SHTN1: variants seen among roughly 807,000 people sequenced by gnomAD.
SHTN1 encodes shootin 1.
SHTN1 carries 42 observed loss-of-function variants against 83.1 expected under a neutral mutation model. That is an observed-to-expected ratio of 0.51 (90% CI 0.39 to 0.65). SHTN1 has a LOEUF of 0.65. Ranked by LOEUF, SHTN1 falls within the 30% of genes least tolerant of loss-of-function variation. SHTN1 has a pLI of 0.00. For missense variants in SHTN1, 622 were observed against 737.8 expected (o/e 0.84, Z 1.82); for synonymous variants, 224 against 247.7 (o/e 0.90, Z 0.90).
At chr10:116,905,885 A>G (rs1847949632) in intron 15 of SHTN1, among the ~76,000 whole-genome samples, 1 of 152,192 alleles carries the variant, frequency 6.6e-6, no homozygotes, top group Non-Finnish European at 1.5e-5. Flanking sequence ...GAAGACACGC[A>G]CAGTTATGGG....
At chr10:116,895,699 G>C (rs972927743) in intron 16 of SHTN1, among the ~76,000 whole-genome samples, 2 of 152,130 alleles carry the variant, frequency 1.3e-5, no homozygotes, top group Non-Finnish European at 2.9e-5. Context: ...CCTTCCTTAA[G>C]CTCTTAAGAC....
At position 116,968,647 on chromosome 10, in the gene SHTN1, C is replaced by T. The variant is rs769000955; in HGVS notation, c.172+5G>A. 3 of 1,601,950 alleles carry T rather than the reference C, an allele frequency of 1.9e-6. No individual in the cohort carries two copies. The highest frequency in any genetic ancestry group is 2.6e-6 in the Non-Finnish European group (3 of 1,169,892). On this transcript the variant is annotated splice_donor_5th_base_variant and intron_variant, in intron 3 of 16. Transcript: ENST00000355371. ...TATAATAATTCCACTGAAATGCTTACGTACTTTTCTGAAATTCTTCCAGTT... is the reference window on the plus strand; with the variant it reads ...TATAATAATTCCACTGAAATGCTTATGTACTTTTCTGAAATTCTTCCAGTT...
At chr10:116,927,077 A>G in intron 11 of SHTN1, among the ~76,000 whole-genome samples, 1 of 152,372 alleles carries the variant, frequency 6.6e-6, no homozygotes, top group South Asian at 2.1e-4. Context: ...GGTTAGGGAT[A>G]AAAGTAATTA....
intron 1 of SHTN1, among the ~76,000 whole-genome samples, chr10:117,060,780 T>A (rs1234598709): frequency 2.0e-5 from 3 of 152,234 alleles, no homozygotes; most frequent in Admixed American, 2.0e-4. Context: ...AGCCTAATAG[T>A]TCATTCAGGA....
chr10:116,998,075 G>A (rs535263635), intron 1 of SHTN1, among the ~76,000 whole-genome samples: 3 of 152,202 alleles, frequency 2.0e-5, no homozygotes, highest in South Asian at 4.1e-4. Context: ...CTGGGGGACA[G>A]AGCGAGACTC....
intron 1 of SHTN1, among the ~76,000 whole-genome samples, chr10:117,075,668 G>A (rs185561793): frequency 3.0e-4 from 46 of 152,318 alleles, no homozygotes; most frequent in African/African-American, 1.0e-3. Context: ...GAAGATACCA[G>A]AGATATTATA....
intron 2 of SHTN1, among the ~76,000 whole-genome samples, chr10:117,025,666 G>T (rs1564934259): frequency 6.6e-6 from 1 of 152,068 alleles, no homozygotes; most frequent in Non-Finnish European, 1.5e-5. Context: ...ACCGCTTGAG[G>T]AGAGGAGAGG....
At chr10:116,934,577 A>G (rs911141693) in intron 9 of SHTN1, among the ~76,000 whole-genome samples, 4 of 152,104 alleles carry the variant, frequency 2.6e-5, no homozygotes, top group African/African-American at 7.2e-5. Context: ...GTAGCCTCGT[A>G]GCATAGTTTG....
intron 1 of SHTN1, among the ~76,000 whole-genome samples, chr10:117,075,202 T>C (rs1479401367): frequency 6.6e-6 from 1 of 152,180 alleles, no homozygotes; most frequent in Admixed American, 6.5e-5. Context: ...TTTATTGTAG[T>C]TACTCTGCAT....
chr10:116,930,005 A>C lies in SHTN1; in HGVS notation c.859-3T>G. ...AGTTGCTCTTCTAATTCTTTGACCTATAAGTTATTTAAAAAAAAAAGACTT... is the reference window on the plus strand; with the variant it reads ...AGTTGCTCTTCTAATTCTTTGACCTCTAAGTTATTTAAAAAAAAAAGACTT... On this transcript the variant is annotated splice_region_variant and splice_polypyrimidine_tract_variant and intron_variant, in intron 9 of 16. Coordinates refer to ENST00000355371, the MANE Select transcript of SHTN1 (RefSeq NM_001127211.3). The C allele has an allele frequency of 6.6e-7, 1 of 1,526,486 alleles. No individual in the cohort carries two copies. The highest frequency in any genetic ancestry group is 8.8e-7 in the Non-Finnish European group (1 of 1,140,548). 94.6% of individuals were successfully genotyped at this position (1,526,486 alleles called of 1,614,324 possible). A position where few individuals can be genotyped will look rare whatever the true frequency, so the allele number is the denominator to read the frequency against.
intron 1 of SHTN1, among the ~76,000 whole-genome samples, chr10:117,059,263 G>A (rs1852867857): frequency 6.6e-6 from 1 of 152,176 alleles, no homozygotes; most frequent in South Asian, 2.1e-4. Context: ...TGGTGAGAAT[G>A]TAAAATATAG....
intron 1 of SHTN1, among the ~76,000 whole-genome samples, chr10:116,985,135 G>A (rs975949062): frequency 6.6e-6 from 1 of 152,138 alleles, no homozygotes; most frequent in Non-Finnish European, 1.5e-5. Context: ...TAAATTATCT[G>A]TGCACAGGTC....
chr10:116,957,950 C>A (rs1489307860), intron 4 of SHTN1, among the ~76,000 whole-genome samples: 9 of 152,252 alleles, frequency 5.9e-5, no homozygotes, highest in Admixed American at 5.9e-4. Flanking sequence ...ATCCCAGCTA[C>A]TCGGGAGACT....
intron 9 of SHTN1, among the ~76,000 whole-genome samples, chr10:116,938,760 C>A (rs1436514307): frequency 6.6e-6 from 1 of 152,132 alleles, no homozygotes; most frequent in Non-Finnish European, 1.5e-5. Flanking sequence ...TGAAGCTGTG[C>A]CCACAGCCGC....
chr10:117,045,300 C>A (rs114242662), intron 2 of SHTN1, among the ~76,000 whole-genome samples: 66 of 152,186 alleles, frequency 4.3e-4, no homozygotes, highest in African/African-American at 1.5e-3. Context: ...ATCTGATGGG[C>A]ATTTATATTT....
rs1848763661 is a variant in SHTN1, at chr10:116,926,923, T to C, written c.1112+869A>G. On this transcript the variant is annotated intron_variant, in intron 11 of 16. Coordinates refer to ENST00000355371, the MANE Select transcript of SHTN1 (RefSeq NM_001127211.3). ...TAGTGTGTATTGTGCTCAAGTGATG[T>C]ACATAATGCCATCATGTCACCTTAG... Among the ~76,000 whole-genome samples the C allele has an allele frequency of 1.3e-5, 2 of 152,144 alleles. 1 individual carries two copies. Among genetic ancestry groups the C allele is most frequent in the Non-Finnish European group, 2.9e-5 (2 of 68,024 alleles).
At chr10:116,987,515 GA>G in intron 1 of SHTN1, among the ~76,000 whole-genome samples, 1 of 152,132 alleles carries the variant, frequency 6.6e-6, no homozygotes, top group Middle Eastern at 3.4e-3. Context: ...AAAAGACAAG[GA>G]AAAAAACTGT....
At chr10:117,125,901 C>T (rs1419672496) in intron 1 of SHTN1, among the ~76,000 whole-genome samples, 1 of 152,162 alleles carries the variant, frequency 6.6e-6, no homozygotes, top group Admixed American at 6.5e-5. Context: ...GATGACCTGA[C>T]TTTCTGGCCA....
chr10:117,078,339 T>A (rs530309739), intron 1 of SHTN1, among the ~76,000 whole-genome samples: 15 of 152,310 alleles, frequency 9.8e-5, no homozygotes, highest in African/African-American at 3.6e-4. Flanking sequence ...TAAAGGTGAT[T>A]ACCTGCCTGG....
Sources: gnomAD v4.1 joint callset for allele counts (sites outside exome capture counted in the v4.1 genomes callset) on GRCh38, gnomAD v4.1.1 for gene constraint, MANE v1.5 for transcripts, NCBI Gene and HGNC (gene_info 2026-07-23, HGNC 2026-07-21) for gene names.